Variants in CIB4 observed in about 807,000 individuals in gnomAD.
CIB4 encodes calcium and integrin-binding family member 4.
In CIB4, 25 loss-of-function variants were observed where a neutral mutation model predicts 25.8. The ratio of observed to expected loss-of-function variants is 0.97; its 90% CI spans 0.71 to 1.35. The LOEUF (loss-of-function observed/expected upper bound fraction) is 1.35, where lower values mean the gene tolerates loss of function less well. Ranked by LOEUF, CIB4 falls within the 40% of genes most tolerant of loss-of-function variation. The probability of loss-of-function intolerance (pLI) is 0.00; values close to 1 mark genes in which losing one functional copy is unlikely to be tolerated. For synonymous variants in CIB4, 75 were observed against 81.4 expected (o/e 0.92, Z 0.42); for missense variants, 235 against 228.2 (o/e 1.03, Z -0.19).
chr2:26,587,715 C>G (rs546374985), intron 4 of CIB4, among the ~76,000 whole-genome samples: 14 of 152,296 alleles, frequency 9.2e-5, no homozygotes, highest in African/African-American at 3.1e-4. Context: ...AAAGCTATAA[C>G]TTAGTATAGT....
intron 3 of CIB4, among the ~76,000 whole-genome samples, chr2:26,620,108 T>C (rs1197398385): frequency 6.9e-6 from 1 of 145,840 alleles, no homozygotes; most frequent in Admixed American, 6.9e-5. Flanking sequence ...CTACAGACTC[T>C]GTGACTGAGG....
chr2:26,603,218 A>G (rs959684681), intron 3 of CIB4, among the ~76,000 whole-genome samples: 1 of 152,192 alleles, frequency 6.6e-6, no homozygotes, highest in African/African-American at 2.4e-5. Flanking sequence ...CTGAGAAACT[A>G]TCACAGATCA....
rs1558555071 is a variant in CIB4, at chr2:26,589,101, CTT to C, written c.329-5205_329-5204del. 1.1e-3 allele frequency among the ~76,000 whole-genome samples: 125 copies of C among 117,114 alleles called. 9 individuals carry two copies. Among genetic ancestry groups the C allele is most frequent in the African/African-American group, 3.9e-3 (95 of 24,240 alleles). 76.8% of individuals were successfully genotyped at this position (117,114 alleles called of 152,430 possible). A position where few individuals can be genotyped will look rare whatever the true frequency, so the allele number is the denominator to read the frequency against. On this transcript the variant is annotated intron_variant, in intron 4 of 6. Transcript: ENST00000288861. ...TCTTCTTCTTCTTCTTCTTCTTCTT[CTT>C]CTTCCTCTTCTTCTTCTTCTTCTTC...
chr2:26,593,413 T>C (rs1668624481), intron 4 of CIB4, among the ~76,000 whole-genome samples: 1 of 151,864 alleles, frequency 6.6e-6, no homozygotes. Flanking sequence ...CACACATATA[T>C]ACACACACAT....
At chr2:26,601,232 ATATATATATATAT>A (rs869295096) in intron 3 of CIB4, among the ~76,000 whole-genome samples, 17,776 of 45,310 alleles carry the variant, frequency 0.39, 2,582 homozygotes, top group East Asian at 0.55. Context: ...AAAAAAAAAA[ATATATATATATAT>A]ATATATATAT....
chr2:26,589,058 TCC>T (rs1668521527), intron 4 of CIB4, among the ~76,000 whole-genome samples: 1 of 25,920 alleles, frequency 3.9e-5, no homozygotes. Context: ...TTCTTCTTCT[TCC>T]TCTTCCTCTT....
At chr2:26,584,572 A>G (rs979485708) in intron 4 of CIB4, among the ~76,000 whole-genome samples, 2 of 152,216 alleles carry the variant, frequency 1.3e-5, no homozygotes, top group African/African-American at 2.4e-5. Context: ...ACAAGAGGCA[A>G]TATTCCCTCC....
chr2:26,600,193 T>C (rs947580491), intron 3 of CIB4, among the ~76,000 whole-genome samples: 1 of 146,878 alleles, frequency 6.8e-6, no homozygotes, highest in Non-Finnish European at 1.5e-5. Context: ...TCACCTGAGG[T>C]CAGGAGTTCA....
intron 3 of CIB4, among the ~76,000 whole-genome samples, chr2:26,615,162 A>G (rs1285733198): frequency 6.6e-6 from 1 of 152,188 alleles, no homozygotes; most frequent in African/African-American, 2.4e-5. Context: ...TGAACTGGAG[A>G]CAGTAACAGT....
intron 3 of CIB4, among the ~76,000 whole-genome samples, chr2:26,613,693 C>T (rs912947064): frequency 1.1e-4 from 17 of 152,168 alleles, no homozygotes; most frequent in African/African-American, 4.1e-4. Flanking sequence ...TGGTGACAAG[C>T]CTGAAGAGCC....
chr2:26,620,272 A>C (rs559174924), intron 3 of CIB4, among the ~76,000 whole-genome samples: 1 of 152,206 alleles, frequency 6.6e-6, no homozygotes, highest in Non-Finnish European at 1.5e-5. Flanking sequence ...TCCCCTACAG[A>C]CTCTGCGACT....
chr2:26,632,812 G>T lies in CIB4; in HGVS notation c.90-3306C>A, dbSNP rs541630823. Among the ~76,000 whole-genome samples, 9 of 152,046 alleles carry T rather than the reference G, an allele frequency of 5.9e-5. No individual in the cohort carries two copies. The South Asian group carries it at 1.9e-3, about 32-fold the overall frequency. On this transcript the variant is annotated intron_variant, in intron 2 of 6. Transcript: ENST00000288861. The stretch of plus-strand genomic sequence containing the variant: ...GGGTTAAGGGCAGTGGGAGTGGCCG[G>T]CTCCAGTCAAAAGGAGCATTTTGTC...
chr2:26,595,136 C>T lies in CIB4; in HGVS notation c.328+40G>A, dbSNP rs149726095. ...TCCAGATACGGTATGTTCTCTATGGCCTTTCCACCCCTCACCCCTCAGTCC... is the reference window on the plus strand; with the variant it reads ...TCCAGATACGGTATGTTCTCTATGGTCTTTCCACCCCTCACCCCTCAGTCC... On this transcript the variant is annotated intron_variant, in intron 4 of 6. Coordinates refer to ENST00000288861, the MANE Select transcript of CIB4 (RefSeq NM_001029881.3). 12 of 1,579,202 alleles carry T rather than the reference C, an allele frequency of 7.6e-6. No individual in the cohort carries two copies. In the African/African-American group the frequency reaches 1.3e-4, roughly 18 times the overall value.
rs10191871 is a variant in CIB4, at chr2:26,590,372, C to T, written c.328+4804G>A. 7.5e-4 allele frequency among the ~76,000 whole-genome samples: 112 copies of T among 150,082 alleles called. 1 individual carries two copies. Among genetic ancestry groups the T allele is most frequent in the African/African-American group, 2.5e-3 (104 of 41,006 alleles). On this transcript the variant is annotated intron_variant, in intron 4 of 6. Transcript: ENST00000288861. ...GACGTTAAAGCACAGAGGAATCTTG[C>T]TAAAATGCAGATTCAGATCCAGTGG... is the stretch of plus-strand genomic sequence containing the variant.
chr2:26,581,485 C>A, intron 6 of CIB4, 92 bp from the exon 7 acceptor site: 1 of 1,274,466 alleles, frequency 7.8e-7, no homozygotes, highest in African/African-American at 1.5e-5. Context: ...GGCTCCCTCC[C>A]CGGCCTGCAT....
At chr2:26,637,062 G>T (rs1447048138) in intron 2 of CIB4, among the ~76,000 whole-genome samples, 1 of 152,152 alleles carries the variant, frequency 6.6e-6, no homozygotes, top group Non-Finnish European at 1.5e-5. Context: ...TCTTCATCAT[G>T]CTGGTGGCCC....
chr2:26,640,980 A>C (rs549769981), intron 1 of CIB4, among the ~76,000 whole-genome samples: 6 of 152,220 alleles, frequency 3.9e-5, no homozygotes, highest in Non-Finnish European at 8.8e-5. Flanking sequence ...TGCAGGCCAC[A>C]TGCAGCCCAG....
At chr2:26,595,117 T>C in intron 4 of CIB4, 59 bp downstream of exon 4, 1 of 1,523,150 alleles carries the variant, frequency 6.6e-7, no homozygotes, top group Non-Finnish European at 9.0e-7. Flanking sequence ...GGAGTCCAGA[T>C]ACGGTATGTT....
intron 4 of CIB4, among the ~76,000 whole-genome samples, chr2:26,594,851 TC>T (rs1668649486): frequency 6.6e-6 from 1 of 152,178 alleles, no homozygotes; most frequent in African/African-American, 2.4e-5. Context: ...CAACGCTCCT[TC>T]TGCCAAATAA....
Sources: gnomAD v4.1 joint callset for allele counts (sites outside exome capture counted in the v4.1 genomes callset) on GRCh38, gnomAD v4.1.1 for gene constraint, MANE v1.5 for transcripts, NCBI Gene and HGNC (gene_info 2026-07-23, HGNC 2026-07-21) for gene names.